Variants in CDK12 observed in about 807,000 individuals in gnomAD.
CDK12 encodes the protein cyclin dependent kinase 12.
CDK12 carries 17 observed loss-of-function variants against 133.8 expected under a neutral mutation model. The observed-to-expected ratio is 0.13, with a 90% CI of 0.09 to 0.19. The LOEUF (loss-of-function observed/expected upper bound fraction) is 0.19, where lower values mean the gene tolerates loss of function less well. Among genes scored for constraint, CDK12 ranks in the 10% least tolerant of loss-of-function variants. CDK12 has a pLI of 1.00. For synonymous variants in CDK12, 694 were observed against 683.6 expected, an observed-to-expected ratio of 1.02 and a Z score of -0.24; for missense variants, 1,508 against 1,818.7, an observed-to-expected ratio of 0.83 and a Z score of 3.11.
chr17:39,493,170 T>G (rs902353246), intron 4 of CDK12, among the ~76,000 whole-genome samples: 1 of 150,260 alleles, frequency 6.7e-6, no homozygotes, highest in Non-Finnish European at 1.5e-5. Flanking sequence ...ATTTTTGTTT[T>G]TTTTTTTTTT....
chr17:39,469,156 A>C (rs2049589432), intron 1 of CDK12, among the ~76,000 whole-genome samples: 1 of 152,136 alleles, frequency 6.6e-6, no homozygotes, highest in African/African-American at 2.4e-5. Flanking sequence ...TCACACATTG[A>C]GGCCTTAGCA....
intron 2 of CDK12, among the ~76,000 whole-genome samples, chr17:39,488,056 AGACCTTG>A (rs1273884198): frequency 6.6e-6 from 1 of 152,094 alleles, no homozygotes; most frequent in Non-Finnish European, 1.5e-5. Context: ...CAATATGGCA[AGACCTTG>A]TCTCTACAAA....
Position 39,479,924 on chromosome 17 carries a change from CTTT to C in CDK12, c.1931+8175_1931+8177del, listed in dbSNP as rs67125473. ...TTACAGGCGTGAGTCACTGCACTGG[CTTT>C]TTTTTTTTTTTTTAAGACAGAGTTT... is the stretch of plus-strand genomic sequence containing the variant. On this transcript the variant is annotated intron_variant, in intron 2 of 13. Coordinates refer to ENST00000447079, the MANE Select transcript of CDK12 (RefSeq NM_016507.4). 3.1e-3 allele frequency among the ~76,000 whole-genome samples: 443 copies of C among 140,786 alleles called. 1 individual carries two copies. The highest frequency in any genetic ancestry group is 3.6e-3 in the Middle Eastern group (1 of 276). The allele number at this position is 140,786 out of a possible 152,430, so 92.4% of individuals were successfully genotyped here. A position where few individuals can be genotyped will look rare whatever the true frequency, so the allele number is the denominator to read the frequency against.
intron 1 of CDK12, among the ~76,000 whole-genome samples, chr17:39,467,638 T>C (rs1349733500): frequency 6.6e-6 from 1 of 152,200 alleles, no homozygotes; most frequent in Admixed American, 6.5e-5. Context: ...TCATGCTGAC[T>C]AAAACAGTAG....
intron 6 of CDK12, among the ~76,000 whole-genome samples, chr17:39,505,926 A>G (rs999311594): frequency 1.3e-5 from 2 of 152,198 alleles, no homozygotes; most frequent in African/African-American, 4.8e-5. Context: ...AGAGGAAAGT[A>G]AAATTATAGA....
At chr17:39,465,108 T>TACA (rs1567674740) in intron 1 of CDK12, among the ~76,000 whole-genome samples, 3 of 151,918 alleles carry the variant, frequency 2.0e-5, no homozygotes, top group African/African-American at 7.3e-5. Context: ...TAGTTGGGTG[T>TACA]GGTGGCGTGC....
chr17:39,523,344 G>A (rs1054732215), intron 11 of CDK12, among the ~76,000 whole-genome samples: 7 of 152,072 alleles, frequency 4.6e-5, no homozygotes, highest in East Asian at 3.9e-4. Context: ...GCGTAGTGGC[G>A]TGTACCTGTA....
chr17:39,526,932 G>T (rs1168959502), intron 13 of CDK12, among the ~76,000 whole-genome samples: 2 of 152,130 alleles, frequency 1.3e-5, no homozygotes, highest in Non-Finnish European at 2.9e-5. Flanking sequence ...AGATCAGGAA[G>T]TGCGTGTATT....
Position 39,461,839 on chromosome 17 carries a change from A to C in CDK12, c.-233A>C. 1 of 562,640 alleles carries C rather than the reference A, an allele frequency of 1.8e-6. No individual in the cohort carries two copies. Among genetic ancestry groups the C allele is most frequent in the South Asian group, 2.2e-5 (1 of 44,464 alleles). The allele number at this position is 562,640 out of a possible 1,614,324, so 34.9% of individuals were successfully genotyped here. Reference sequence around the variant, plus strand: ...TTGAGCAGCTCCCCGTTGTCTCGCAACTCCACTGCCGAGGAACTCTCATTT... The same window carrying C: ...TTGAGCAGCTCCCCGTTGTCTCGCACCTCCACTGCCGAGGAACTCTCATTT... On this transcript the variant is annotated 5_prime_UTR_variant, in exon 1 of 14. Coordinates refer to ENST00000447079, the MANE Select transcript of CDK12 (RefSeq NM_016507.4).
chr17:39,515,663 A>AT (rs1296599728), intron 8 of CDK12, 68 bp from the exon 9 acceptor site: 1 of 1,027,660 alleles, frequency 9.7e-7, no homozygotes, highest in Admixed American at 2.1e-5. Context: ...TAATGTAAAA[A>AT]TTTTTTGAGA....
intron 2 of CDK12, among the ~76,000 whole-genome samples, chr17:39,482,422 C>T (rs1214087026): frequency 6.6e-6 from 1 of 151,794 alleles, no homozygotes; most frequent in South Asian, 2.1e-4. Flanking sequence ...TCCAAATGAA[C>T]CAGGATTTTC....
intron 2 of CDK12, among the ~76,000 whole-genome samples, chr17:39,488,774 A>T (rs1238130190): frequency 1.3e-5 from 2 of 152,058 alleles, no homozygotes; most frequent in African/African-American, 4.8e-5. Context: ...TTTTCGAGAC[A>T]GAGCTGCCCT....
At position 39,533,975 on chromosome 17, in the gene CDK12, T is replaced by C; in HGVS notation, c.*2659T>C. ...CATTCAAAAGTGGTTTTCGTTTTGT[T>C]TTAATTATTGTACAATGAGAGATAT... is the stretch of plus-strand genomic sequence containing the variant. On this transcript the variant is annotated 3_prime_UTR_variant, in exon 14 of 14. Transcript: ENST00000447079. 1 of 232,384 alleles carries C rather than the reference T, an allele frequency of 4.3e-6. No individual in the cohort carries two copies. Among genetic ancestry groups the C allele is most frequent in the Non-Finnish European group, 8.5e-6 (1 of 117,488 alleles). The allele number at this position is 232,384 out of a possible 1,614,324, so 14.4% of individuals were successfully genotyped here.
chr17:39,535,633 T>A (rs951383061), downstream of CDK12, among the ~76,000 whole-genome samples: 14 of 152,144 alleles, frequency 9.2e-5, no homozygotes, highest in African/African-American at 3.4e-4. Context: ...TAACCTAGAT[T>A]TTTCTGTCAT....
At chr17:39,486,868 C>T (rs149484227) in intron 2 of CDK12, among the ~76,000 whole-genome samples, 1 of 151,820 alleles carries the variant, frequency 6.6e-6, no homozygotes, top group Non-Finnish European at 1.5e-5. Context: ...ACTAGCCGGG[C>T]GTAGTGGCAC....
chr17:39,494,299 C>G (rs1408084147), intron 4 of CDK12, among the ~76,000 whole-genome samples: 1 of 152,150 alleles, frequency 6.6e-6, no homozygotes, highest in Non-Finnish European at 1.5e-5. Flanking sequence ...TCTCGAATTC[C>G]TAACCTCAGG....
chr17:39,513,842 A>G (rs1174860765), intron 8 of CDK12, among the ~76,000 whole-genome samples: 1 of 152,142 alleles, frequency 6.6e-6, no homozygotes, highest in Admixed American at 6.6e-5. Context: ...TTTTTATGGG[A>G]TTTTTTATAG....
chr17:39,532,108 C>T lies in CDK12; in HGVS notation c.*792C>T, dbSNP rs1353952701. On this transcript the variant is annotated 3_prime_UTR_variant, in exon 14 of 14. Transcript: ENST00000447079. ...GTGTGCTCTCTCTCTCTCTTTCTCT[C>T]TCTCTCTCTCTCTCTCTCTCTCTCT... 41 of 32,352 alleles carry T rather than the reference C, an allele frequency of 1.3e-3. No homozygotes were observed. Among genetic ancestry groups the T allele is most frequent in the Non-Finnish European group, 3.4e-3 (34 of 9,884 alleles). The allele number at this position is 32,352 out of a possible 1,614,324, so 2.0% of individuals were successfully genotyped here.
chr17:39,524,606 C>A, intron 11 of CDK12, 68 bp from the exon 12 acceptor site: 1 of 1,335,470 alleles, frequency 7.5e-7, no homozygotes, highest in Non-Finnish European at 1.1e-6. Flanking sequence ...CATTTTAATC[C>A]TTTGCTCCTC....
Sources: gnomAD v4.1 joint callset for allele counts (sites outside exome capture counted in the v4.1 genomes callset) on GRCh38, gnomAD v4.1.1 for gene constraint, MANE v1.5 for transcripts, NCBI Gene and HGNC (gene_info 2026-07-23, HGNC 2026-07-21) for gene names.